Variants in EPHB1 observed in about 807,000 individuals in gnomAD.
The protein encoded by EPHB1 is ephrin type-B receptor 1.
EPHB1 carries 30 observed loss-of-function variants against 94.4 expected under a neutral mutation model. That is an observed-to-expected ratio of 0.32 (90% CI 0.24 to 0.43). The LOEUF (loss-of-function observed/expected upper bound fraction) is 0.43, where lower values mean the gene tolerates loss of function less well. Among genes scored for constraint, EPHB1 ranks in the 20% least tolerant of loss-of-function variants. The probability of loss-of-function intolerance (pLI) is 1.00; values close to 1 mark genes in which losing one functional copy is unlikely to be tolerated. For missense variants in EPHB1, 1,055 were observed against 1,308.3 expected (o/e 0.81, Z 2.99); for synonymous variants, 522 against 489.1 (o/e 1.07, Z -0.89).
At chr3:135,052,434 A>C (rs1168845980) in intron 3 of EPHB1, among the ~76,000 whole-genome samples, 8 of 152,140 alleles carry the variant, frequency 5.3e-5, no homozygotes, top group Non-Finnish European at 8.8e-5. Flanking sequence ...TTTGCTTTTT[A>C]TTTAAGAGGT....
chr3:135,248,275 G>T, intron 13 of EPHB1, 41 bp from the exon 14 acceptor site: 1 of 1,477,882 alleles, frequency 6.8e-7, no homozygotes, highest in Non-Finnish European at 9.1e-7. Context: ...CTGGCTGGTG[G>T]CAGTCACTCA....
At chr3:135,172,639 G>A (rs1357104867) in intron 9 of EPHB1, among the ~76,000 whole-genome samples, 3 of 152,238 alleles carry the variant, frequency 2.0e-5, no homozygotes, top group Non-Finnish European at 4.4e-5. Flanking sequence ...GTGCAGGTCA[G>A]GTGTGTCCCT....
intron 10 of EPHB1, among the ~76,000 whole-genome samples, chr3:135,183,322 C>T (rs1376213861): frequency 6.9e-6 from 1 of 145,062 alleles, no homozygotes; most frequent in African/African-American, 2.5e-5. Flanking sequence ...CACTTATAAG[C>T]ACACCCCCAC....
chr3:135,192,540 A>C, intron 10 of EPHB1, 36 bp from the exon 11 acceptor site: 2 of 1,605,582 alleles, frequency 1.2e-6, no homozygotes, highest in Admixed American at 1.7e-5. Flanking sequence ...CAGACTGAGA[A>C]GGAAGAGGAT....
At chr3:134,818,694 C>T (rs1310872708) in intron 1 of EPHB1, among the ~76,000 whole-genome samples, 6 of 152,192 alleles carry the variant, frequency 3.9e-5, no homozygotes, top group African/African-American at 1.4e-4. Context: ...GCCGTTAATT[C>T]ATTCCTTTTT....
chr3:135,003,398 A>G (rs1182588656), intron 3 of EPHB1, among the ~76,000 whole-genome samples: 1 of 150,700 alleles, frequency 6.6e-6, no homozygotes, highest in African/African-American at 2.4e-5. Flanking sequence ...CAATTTTGGA[A>G]TAGGTGTGGT....
At chr3:134,975,617 A>T (rs191929221) in intron 3 of EPHB1, among the ~76,000 whole-genome samples, 17 of 152,224 alleles carry the variant, frequency 1.1e-4, no homozygotes, top group Admixed American at 2.6e-4. Context: ...TGCTTACATG[A>T]TCTCATTTAA....
chr3:134,972,363 TTATA>T (rs72294039), intron 3 of EPHB1, among the ~76,000 whole-genome samples: 18,972 of 146,876 alleles, frequency 0.13, 1,322 homozygotes, highest in Non-Finnish European at 0.16. Flanking sequence ...TCATACGTGT[TTATA>T]TATAAAATAT....
At chr3:135,109,777 G>A (rs980207566) in intron 4 of EPHB1, among the ~76,000 whole-genome samples, 10 of 152,234 alleles carry the variant, frequency 6.6e-5, no homozygotes, top group African/African-American at 1.2e-4. Flanking sequence ...AGAAGCTGCC[G>A]AGCTCGCTGT....
At chr3:134,857,469 G>A (rs1319494647) in intron 1 of EPHB1, among the ~76,000 whole-genome samples, 1 of 152,090 alleles carries the variant, frequency 6.6e-6, no homozygotes, top group Admixed American at 6.5e-5. Context: ...ACAGGCTGCG[G>A]GTGTCAGCCC....
At position 135,015,827 on chromosome 3, in the gene EPHB1, A is replaced by G. The variant is rs189023904; in HGVS notation, c.805+63775A>G. On this transcript the variant is annotated intron_variant, in intron 3 of 15. Transcript: ENST00000398015. The stretch of plus-strand genomic sequence containing the variant: ...TCTTTGAAGAGGTGACACCTGAGCT[A>G]AGGCCAGAAAAATGAGGAGCCAACC... Among the ~76,000 whole-genome samples the G allele has an allele frequency of 9.7e-4, 147 of 152,304 alleles. 3 individuals carry two copies. The highest frequency in any genetic ancestry group is 3.0e-3 in the Admixed American group (46 of 15,306).
rs57008366 is a variant in EPHB1, at chr3:134,807,524, T to TGTGTGC, written c.58+11836_58+11837insTGTGCG. Among the ~76,000 whole-genome samples the TGTGTGC allele has an allele frequency of 5.8e-4, 75 of 130,398 alleles. No individual in the cohort carries two copies. The Middle Eastern group carries it at 0.011, about 19-fold the overall frequency. 85.5% of individuals were successfully genotyped at this position (130,398 alleles called of 152,430 possible). A position where few individuals can be genotyped will look rare whatever the true frequency, so the allele number is the denominator to read the frequency against. On this transcript the variant is annotated intron_variant, in intron 1 of 15. Coordinates refer to ENST00000398015, the MANE Select transcript of EPHB1 (RefSeq NM_004441.5). Reference sequence around the variant, plus strand: ...GTGTGTGTGTGTGTGTGTGTGTGTGTGCACGTGTGTGTGTGTGAGAGAGAG... The same window carrying TGTGTGC: ...GTGTGTGTGTGTGTGTGTGTGTGTGTGTGTGCGCACGTGTGTGTGTGTGAGAGAGAG...
chr3:134,803,207 G>A (rs531959231), intron 1 of EPHB1, among the ~76,000 whole-genome samples: 15 of 152,146 alleles, frequency 9.9e-5, no homozygotes, highest in Non-Finnish European at 1.9e-4. Flanking sequence ...GAGGCCCTGC[G>A]TCTCTCATCT....
intron 1 of EPHB1, among the ~76,000 whole-genome samples, chr3:134,869,464 G>A (rs1413191256): frequency 6.6e-6 from 1 of 152,194 alleles, no homozygotes; most frequent in African/African-American, 2.4e-5. Context: ...GCTCTCCCAG[G>A]AAGAGCCCTT....
In EPHB1 at chr3:135,038,648, G is replaced by A. The variant is rs61516426; in HGVS notation, c.806-67800G>A. Among the ~76,000 whole-genome samples the A allele has an allele frequency of 7.0e-3, 1,066 of 152,228 alleles. 9 individuals carry two copies. Among genetic ancestry groups the A allele is most frequent in the African/African-American group, 0.024 (1,000 of 41,550 alleles). On this transcript the variant is annotated intron_variant, in intron 3 of 15. Transcript: ENST00000398015. ...TCTTAAGGTGGCGCGTCTGGAGTCTGTCCCTTCTGATATTCAGATGTGTTC... is the reference window on the plus strand; with the variant it reads ...TCTTAAGGTGGCGCGTCTGGAGTCTATCCCTTCTGATATTCAGATGTGTTC...
intron 1 of EPHB1, chr3:134,841,699 ACT>A (rs2036781459): frequency 1.3e-5 from 2 of 152,128 alleles, no homozygotes; most frequent in African/African-American, 2.4e-5. Context: ...CTTTGGCTTA[ACT>A]CTCTGCATAA....
chr3:135,168,971 TG>T (rs1941730394), intron 9 of EPHB1, among the ~76,000 whole-genome samples: 1 of 152,186 alleles, frequency 6.6e-6, no homozygotes, highest in African/African-American at 2.4e-5. Flanking sequence ...ACTCCTTGGC[TG>T]GGGTATAGAG....
chr3:134,956,022 ACT>A (rs145236332), intron 3 of EPHB1, among the ~76,000 whole-genome samples: 68 of 149,262 alleles, frequency 4.6e-4, no homozygotes, highest in African/African-American at 9.0e-4. Flanking sequence ...CTCTCAGCAG[ACT>A]CTCTCTCTCT....
intron 6 of EPHB1, among the ~76,000 whole-genome samples, chr3:135,159,737 T>A (rs1489859028): frequency 1.3e-5 from 2 of 152,186 alleles, no homozygotes; most frequent in Non-Finnish European, 1.5e-5. Context: ...TCCCCTTCAT[T>A]AGAGTGAGAA....
Sources: gnomAD v4.1 joint callset for allele counts (sites outside exome capture counted in the v4.1 genomes callset) on GRCh38, gnomAD v4.1.1 for gene constraint, MANE v1.5 for transcripts, NCBI Gene and HGNC (gene_info 2026-07-23, HGNC 2026-07-21) for gene names.